Variants in ETNK1 observed in about 807,000 individuals in gnomAD.
ETNK1 encodes the protein putative protein product of Nbla10396.
Under a neutral mutation model 45.1 loss-of-function variants are expected in ETNK1, and 8 were observed. The ratio of observed to expected loss-of-function variants is 0.18; its 90% confidence interval spans 0.10 to 0.32. The LOEUF (loss-of-function observed/expected upper bound fraction) is 0.32. Ranked by LOEUF, ETNK1 falls within the 10% of genes least tolerant of loss-of-function variation. The pLI is 1.00. For synonymous variants in ETNK1, 152 were observed against 151.9 expected (o/e 1.00, Z -0.01); for missense variants, 302 against 430.6 (o/e 0.70, Z 2.64).
At chr12:22,632,389 T>G (rs1953591449) in intron 1 of ETNK1, among the ~76,000 whole-genome samples, 1 of 152,144 alleles carries the variant, frequency 6.6e-6, no homozygotes, top group South Asian at 2.1e-4. Context: ...TCACTAGCCC[T>G]TTATAAACAT....
At chr12:22,673,371 A>T in intron 5 of ETNK1, 129 bp from the exon 6 acceptor site, 1 of 568,064 alleles carries the variant, frequency 1.8e-6, no homozygotes, top group East Asian at 2.8e-5. Flanking sequence ...TTTTTACTTA[A>T]CATGCAGTAT....
intron 2 of ETNK1, among the ~76,000 whole-genome samples, chr12:22,656,224 G>A (rs931937938): frequency 1.3e-5 from 2 of 152,064 alleles, no homozygotes; most frequent in Non-Finnish European, 2.9e-5. Flanking sequence ...GAAAATTCAG[G>A]TAATTTAAAA....
rs1168417561 is a variant in ETNK1, at chr12:22,687,180, T to G, written c.*2226T>G. The G allele has an allele frequency of 6.6e-6, 1 of 151,878 alleles. No homozygotes were observed. The allele number at this position is 151,878 out of a possible 1,614,324, so 9.4% of individuals were successfully genotyped here. A position where few individuals can be genotyped will look rare whatever the true frequency, so the allele number is the denominator to read the frequency against. On this transcript the variant is annotated 3_prime_UTR_variant, in exon 8 of 8. Coordinates refer to ENST00000266517, the MANE Select transcript of ETNK1 (RefSeq NM_018638.5). ...TCTATTTTCCCCATTCTGGCTAGATTTTGGTTGTTGTGATGCTCCTACTTC... is the reference window on the plus strand; with the variant it reads ...TCTATTTTCCCCATTCTGGCTAGATGTTGGTTGTTGTGATGCTCCTACTTC...
At position 22,630,881 on chromosome 12, in the gene ETNK1, G is replaced by T. The variant is rs534639429; in HGVS notation, c.156+5295G>T. Reference sequence around the variant, plus strand: ...CCACCTCGGCCTCCCAAAATACTGGGATTACAGGCATGAGCCACCGCACCT... The same window carrying T: ...CCACCTCGGCCTCCCAAAATACTGGTATTACAGGCATGAGCCACCGCACCT... On this transcript the variant is annotated intron_variant, in intron 1 of 7. Coordinates refer to ENST00000266517, the MANE Select transcript of ETNK1 (RefSeq NM_018638.5). Among the ~76,000 whole-genome samples, 22 of 152,184 alleles carry T rather than the reference G, an allele frequency of 1.4e-4. No individual in the cohort carries two copies. The South Asian group carries it at 4.4e-3, about 30-fold the overall frequency.
intron 2 of ETNK1, 143 bp from the exon 3 acceptor site, chr12:22,658,871 A>G: frequency 1.4e-6 from 1 of 730,846 alleles, no homozygotes; most frequent in Non-Finnish European, 2.2e-6. Context: ...TTCTTGCTAA[A>G]ACTGGTTTTT....
At chr12:22,676,183 C>T (rs985483588) in intron 6 of ETNK1, among the ~76,000 whole-genome samples, 3 of 152,076 alleles carry the variant, frequency 2.0e-5, no homozygotes, top group South Asian at 2.1e-4. Flanking sequence ...TGACAGGCCC[C>T]GGTGTGTGAT....
Position 22,659,004 on chromosome 12 carries a change from T to C in ETNK1, c.417-10T>C. On this transcript the variant is annotated splice_polypyrimidine_tract_variant and intron_variant, in intron 2 of 7. Coordinates refer to ENST00000266517, the MANE Select transcript of ETNK1 (RefSeq NM_018638.5). ...AAGTTTTTCTTTTTATGCGGTTTTG[T>C]TTTAAACAGGCTAATAGCTCGTCAG... 6.2e-7 allele frequency: 1 copy of C among 1,606,378 alleles called. No homozygotes were observed. The highest frequency in any genetic ancestry group is 1.1e-5 in the South Asian group (1 of 88,738).
intron 4 of ETNK1, among the ~76,000 whole-genome samples, chr12:22,665,782 A>C (rs533999210): frequency 4.6e-5 from 7 of 152,188 alleles, no homozygotes; most frequent in African/African-American, 1.7e-4. Context: ...ATTCTGAAAA[A>C]ATGAAAAATG....
chr12:22,682,384 C>T (rs777235101), intron 6 of ETNK1: 1 of 364,300 alleles, frequency 2.7e-6, no homozygotes, highest in Non-Finnish European at 5.6e-6. Flanking sequence ...GCCAAATACT[C>T]AAGTCTGATA....
intron 1 of ETNK1, among the ~76,000 whole-genome samples, chr12:22,630,104 A>G (rs1953555691): frequency 6.6e-6 from 1 of 152,202 alleles, no homozygotes; most frequent in South Asian, 2.1e-4. Context: ...CATAATGTGG[A>G]AAGAGGATGG....
rs1191324030 is a variant in ETNK1 at position 22,689,531 on chromosome 12, C to G, written c.*4577C>G. ...GCCATTAATCATTTTAGTACAACAC[C>G]TATGTTTATAAAAATTTGAAAACAT... is the stretch of plus-strand genomic sequence containing the variant. On this transcript the variant is annotated 3_prime_UTR_variant, in exon 8 of 8. Coordinates refer to ENST00000266517, the MANE Select transcript of ETNK1 (RefSeq NM_018638.5). 1.3e-5 allele frequency: 2 copies of G among 151,834 alleles called. No homozygotes were observed. Among genetic ancestry groups the G allele is most frequent in the African/African-American group, 4.8e-5 (2 of 41,390 alleles). The allele number at this position is 151,834 out of a possible 1,614,324, so 9.4% of individuals were successfully genotyped here.
chr12:22,653,111 C>T lies in ETNK1; in HGVS notation c.417-5903C>T, dbSNP rs565986487. 2.0e-5 allele frequency among the ~76,000 whole-genome samples: 3 copies of T among 152,078 alleles called. No homozygotes were observed. In the East Asian group the frequency reaches 5.8e-4, roughly 29 times the overall value. On this transcript the variant is annotated intron_variant, in intron 2 of 7. Coordinates refer to ENST00000266517, the MANE Select transcript of ETNK1 (RefSeq NM_018638.5). ...CCTTTCCTCATTGTTCTTCTTTTCC[C>T]GTTGTTGTCCTTTCCTCATTTAAGG...
intron 1 of ETNK1, among the ~76,000 whole-genome samples, chr12:22,636,582 C>G (rs1021422412): frequency 6.6e-6 from 1 of 152,060 alleles, no homozygotes; most frequent in Non-Finnish European, 1.5e-5. Flanking sequence ...GCTTCCTTCT[C>G]TATGTCTTTT....
chr12:22,638,051 C>CA (rs61218845), intron 1 of ETNK1, among the ~76,000 whole-genome samples: 8,671 of 148,452 alleles, frequency 0.058, 788 homozygotes, highest in African/African-American at 0.2. Context: ...ATAAAAATTA[C>CA]AAAAAAAAAG....
chr12:22,652,079 G>A (rs1319904417), intron 2 of ETNK1, among the ~76,000 whole-genome samples: 2 of 152,062 alleles, frequency 1.3e-5, no homozygotes, highest in African/African-American at 4.8e-5. Context: ...TGACTACTTA[G>A]GTACATCATG....
At chr12:22,630,935 A>G (rs1373363278) in intron 1 of ETNK1, among the ~76,000 whole-genome samples, 5 of 152,028 alleles carry the variant, frequency 3.3e-5, no homozygotes, top group Non-Finnish European at 7.4e-5. Flanking sequence ...CAGGTAAATT[A>G]TATCATGTAT....
rs1565444825 is a variant in ETNK1 at position 22,661,216 on chromosome 12, G to T, written c.700+11G>T. ...ACAATGAGAAACAAGGTAGGTATTTGACCTTAGCAGTAAGTAAAATTGATT... is the reference window on the plus strand; with the variant it reads ...ACAATGAGAAACAAGGTAGGTATTTTACCTTAGCAGTAAGTAAAATTGATT... On this transcript the variant is annotated intron_variant, in intron 4 of 7. Transcript: ENST00000266517. 1.3e-6 allele frequency: 2 copies of T among 1,578,704 alleles called. No individual in the cohort carries two copies. The highest frequency in any genetic ancestry group is 1.2e-5 in the South Asian group (1 of 84,396).
intron 1 of ETNK1, among the ~76,000 whole-genome samples, chr12:22,635,638 T>C (rs116678452): frequency 3.2e-4 from 48 of 152,358 alleles, no homozygotes; most frequent in African/African-American, 1.1e-3. Context: ...TTTTTCTTTA[T>C]CTCACTCATT....
intron 5 of ETNK1, among the ~76,000 whole-genome samples, chr12:22,671,977 A>T (rs11046532): frequency 0.047 from 7,104 of 151,934 alleles, 533 homozygotes; most frequent in African/African-American, 0.16. Flanking sequence ...ACAAGGTAAT[A>T]CTCGCAGTTT....
Sources: gnomAD v4.1 joint callset for allele counts (sites outside exome capture counted in the v4.1 genomes callset) on GRCh38, gnomAD v4.1.1 for gene constraint, MANE v1.5 for transcripts, NCBI Gene and HGNC (gene_info 2026-07-23, HGNC 2026-07-21) for gene names.